MAP4K2: variants seen among roughly 807,000 people sequenced by gnomAD.
MAP4K2 encodes B lymphocyte serine/threonine protein kinase.
MAP4K2 carries 85 observed loss-of-function variants against 125.3 expected under a neutral mutation model. The observed-to-expected ratio is 0.68, with a 90% CI of 0.57 to 0.81. The LOEUF (loss-of-function observed/expected upper bound fraction) is 0.81, where lower values mean the gene tolerates loss of function less well. MAP4K2 is among the 40% of genes least tolerant of loss of function. The pLI is 0.00. For missense variants in MAP4K2, 923 were observed against 1,056.4 expected, an observed-to-expected ratio of 0.87 and a Z score of 1.75; for synonymous variants, 479 against 445.1, an observed-to-expected ratio of 1.08 and a Z score of -0.96.
rs572837811 is a variant in MAP4K2, at chr11:64,792,076, C to T, written c.1925G>A (p.Ser642Asn). The T allele has an allele frequency of 1.3e-6, 2 of 1,586,972 alleles. No individual in the cohort carries two copies. The highest frequency in any genetic ancestry group is 1.8e-5 in the Admixed American group (1 of 56,412). ...QKFLLLKNFS[S>N]PLPSPAGMLE... ...CATCCCAGCTGGGCTGGGCAGAGGG[C>T]TGGAGAAGTTCTAGGGGGCAGCAGG... The change falls in exon 27 of 32, where the codon AGC becomes AAC. Residue 642 changes from serine to asparagine, a missense_variant. By Grantham distance (46) the Ser-to-Asn change is conservative. Transcript: ENST00000294066.
rs1420727223 is a variant in MAP4K2 at position 64,788,790 on chromosome 11, C to G, written c.*747G>C. ...AGGGAACAGCCCTCTGGGGGCTCCT[C>G]CTGGGCCCTTCCAGGGGTCACCCAG... is the stretch of plus-strand genomic sequence containing the variant. On this transcript the variant is annotated 3_prime_UTR_variant, in exon 32 of 32. Coordinates refer to ENST00000294066, the MANE Select transcript of MAP4K2 (RefSeq NM_004579.5). 6.6e-6 allele frequency: 1 copy of G among 152,314 alleles called. No homozygotes were observed. Among genetic ancestry groups the G allele is most frequent in the African/African-American group, 2.4e-5 (1 of 41,440 alleles). The allele number at this position is 152,314 out of a possible 1,614,324, so 9.4% of individuals were successfully genotyped here.
exon 1 of MAP4K2, chr11:64,803,212 CGCGGGGCGGG>C: frequency 2.8e-6 from 2 of 717,246 alleles, no homozygotes; most frequent in Admixed American, 6.5e-5. Context: ...CGCGGGGCGG[CGCGGGGCGGG>C]GCGGGCGCCC....
rs375621714 is a variant in MAP4K2, at chr11:64,801,599, A to T, written c.437T>A (p.Leu146His). 1 of 1,613,970 alleles carries T rather than the reference A, an allele frequency of 6.2e-7. No individual in the cohort carries two copies. The highest frequency in any genetic ancestry group is 8.5e-7 in the Non-Finnish European group (1 of 1,179,952). ...DIKGANLLLT[L>H]QGDVKLADFG... ...CTGACCCAGTTTGACATCTCCCTGGAGAGTGAGGAGAAGGTTGGCTCCCTG... is the reference window on the plus strand; with the variant it reads ...CTGACCCAGTTTGACATCTCCCTGGTGAGTGAGGAGAAGGTTGGCTCCCTG... The change falls in exon 7 of 32, where the codon CTC becomes CAC. Residue 146 changes from leucine (L) to histidine (H), a missense_variant. Coordinates refer to ENST00000294066, the MANE Select transcript of MAP4K2 (RefSeq NM_004579.5).
intron 10 of MAP4K2, 123 bp from the exon 11 acceptor site, chr11:64,800,515 A>G: frequency 8.3e-7 from 1 of 1,199,020 alleles, no homozygotes; most frequent in Non-Finnish European, 1.2e-6. Context: ...GAGCCAGCCG[A>G]GGCCAAGGGC....
intron 22 of MAP4K2, 21 bp downstream of exon 22, chr11:64,796,613 C>A: frequency 6.2e-7 from 1 of 1,614,058 alleles, no homozygotes; most frequent in Non-Finnish European, 8.5e-7. Context: ...CCTCTGCCCC[C>A]CACAGCCAGC....
chr11:64,792,095 C>A lies in MAP4K2; in HGVS notation c.1915-9G>T. On this transcript the variant is annotated splice_polypyrimidine_tract_variant and intron_variant, in intron 26 of 31. Coordinates refer to ENST00000294066, the MANE Select transcript of MAP4K2 (RefSeq NM_004579.5). ...AGAGGGCTGGAGAAGTTCTAGGGGG[C>A]AGCAGGGATGCTCAGGTCTCCATTT... The A allele has an allele frequency of 5.1e-6, 8 of 1,581,298 alleles. No homozygotes were observed. Among genetic ancestry groups the A allele is most frequent in the Non-Finnish European group, 6.9e-6 (8 of 1,163,266 alleles).
At position 64,801,290 on chromosome 11, in the gene MAP4K2, GC is replaced by G. The variant is rs879110537; in HGVS notation, c.458-108del. On this transcript the variant is annotated intron_variant, in intron 7 of 31. Transcript: ENST00000294066. ...CTGGCAGGGCTCAGACGGGCAGGTG[GC>G]CCCGCTTGGTCACAGCTGCCGCAGG... 10 of 1,380,992 alleles carry G rather than the reference GC, an allele frequency of 7.2e-6. No individual in the cohort carries two copies. The South Asian group carries it at 1.2e-4, about 17-fold the overall frequency. The allele number at this position is 1,380,992 out of a possible 1,614,324, so 85.5% of individuals were successfully genotyped here.
chr11:64,803,009 G>A (rs751129210), intron 1 of MAP4K2, 45 bp downstream of exon 1: 2 of 1,578,858 alleles, frequency 1.3e-6, no homozygotes, highest in South Asian at 1.1e-5. Context: ...CGCGGGGTGC[G>A]GGGCTGGCAC....
chr11:64,791,858 G>T (rs894462107), intron 27 of MAP4K2, 51 bp downstream of exon 27: 2 of 1,455,778 alleles, frequency 1.4e-6, no homozygotes, highest in South Asian at 1.4e-5. Flanking sequence ...TCCCTCCCTC[G>T]GTCTCTCATG....
At chr11:64,801,939 C>A in intron 5 of MAP4K2, 127 bp downstream of exon 5, 1 of 1,177,928 alleles carries the variant, frequency 8.5e-7, no homozygotes, top group South Asian at 1.4e-5. Flanking sequence ...CCCCTTTTCC[C>A]CAGGACCTAC....
At chr11:64,797,740 C>G (rs1183912479) in intron 15 of MAP4K2, 76 bp from the exon 16 acceptor site, 12 of 1,340,194 alleles carry the variant, frequency 9.0e-6, no homozygotes, top group Non-Finnish European at 1.1e-5. Flanking sequence ...GAGTCTCGCT[C>G]TGTCACCCAG....
rs140145038 is a variant in MAP4K2, at chr11:64,797,339, C to A, written c.1212G>T (p.Arg404=). ...SPDDTMGTIK[R]APFLGPLPTD... ...TGGGGAGTGGCCCTAGGAACGGGGC[C>A]CGCTTGATGGTTCCCATGGTATCGT... The change falls in exon 18 of 32, where the codon CGG becomes CGT. Residue 404 remains arginine (R), a synonymous_variant. Coordinates refer to ENST00000294066, the MANE Select transcript of MAP4K2 (RefSeq NM_004579.5). 1.0e-4 allele frequency: 161 copies of A among 1,599,370 alleles called. 1 individual carries two copies. Among genetic ancestry groups the A allele is most frequent in the Non-Finnish European group, 1.2e-4 (144 of 1,173,188 alleles).
At chr11:64,800,044 C>T in intron 12 of MAP4K2, 65 bp downstream of exon 12, 1 of 1,349,484 alleles carries the variant, frequency 7.4e-7, no homozygotes. Context: ...CCTCCACCAA[C>T]ATCACCCTCG....
rs375745391 is a variant in MAP4K2, at chr11:64,797,650, G to T, written c.1112C>A (p.Ser371Ter). The change falls in exon 16 of 32, where the codon TCG becomes TAG. Residue 371 changes from serine to a stop codon, truncating the protein, a stop_gained. Coordinates refer to ENST00000294066, the MANE Select transcript of MAP4K2 (RefSeq NM_004579.5). LOFTEE classifies it high-confidence loss of function. ...KEELSGSLLQ[S>*]VQEALEERSL... ...CCTTTCCTCCAGGGCCTCCTGGACC[G>T]ACTGCAGCAGGCTCCTGGGCAGTGG... 1.3e-6 allele frequency: 2 copies of T among 1,574,142 alleles called. No homozygotes were observed. Among genetic ancestry groups the T allele is most frequent in the Non-Finnish European group, 1.7e-6 (2 of 1,159,258 alleles).
intron 24 of MAP4K2, among the ~76,000 whole-genome samples, chr11:64,794,437 G>C (rs1394526483): frequency 6.6e-6 from 1 of 151,176 alleles, no homozygotes; most frequent in Non-Finnish European, 1.5e-5. Flanking sequence ...TCGGCTCATT[G>C]CAACCTCCGC....
rs929728164 is a variant in MAP4K2 at position 64,789,471 on chromosome 11, T to G, written c.*66A>C. 2.8e-6 allele frequency: 4 copies of G among 1,445,408 alleles called. No individual in the cohort carries two copies. Among genetic ancestry groups the G allele is most frequent in the Non-Finnish European group, 3.8e-6 (4 of 1,052,252 alleles). The allele number at this position is 1,445,408 out of a possible 1,614,324, so 89.5% of individuals were successfully genotyped here. A position where few individuals can be genotyped will look rare whatever the true frequency, so the allele number is the denominator to read the frequency against. The stretch of plus-strand genomic sequence containing the variant: ...TCCTCTGGTCTAGGATGGGCCCCTT[T>G]GCCCAAAAGGGCCTGCAGCTAAGGC... On this transcript the variant is annotated 3_prime_UTR_variant, in exon 32 of 32. Coordinates refer to ENST00000294066, the MANE Select transcript of MAP4K2 (RefSeq NM_004579.5).
In MAP4K2 at chr11:64,792,159, C is replaced by G. The variant is rs377050355; in HGVS notation, c.1914+13G>C. The stretch of plus-strand genomic sequence containing the variant: ...TCTGAGGGTGCCCTGGGCCTCCCCC[C>G]ACCGCCCCTCACCTTCAGCAGCAGA... On this transcript the variant is annotated intron_variant, in intron 26 of 31. Transcript: ENST00000294066. 7.4e-5 allele frequency: 119 copies of G among 1,599,768 alleles called. No homozygotes were observed. Among genetic ancestry groups the G allele is most frequent in the Middle Eastern group, 5.0e-4 (3 of 6,026 alleles).
rs767263762 is a variant in MAP4K2 at position 64,791,993 on chromosome 11, C to T, written c.2008G>A (p.Gly670Arg). The change falls in exon 27 of 32, where the codon GGG becomes AGG. Residue 670 changes from glycine (G) to arginine (R), a missense_variant. Physicochemically the swap from Gly to Arg is moderately radical, Grantham distance 125 (BLOSUM62 -2). Transcript: ENST00000294066. ...ELPQVCVGAE[G>R]PEGPGCRVLF... The stretch of plus-strand genomic sequence containing the variant: ...ACGCGGCAGCCGGGCCCCTCAGGCC[C>T]CTCGGCCCCAACACACACCTGCGGC... 6.2e-7 allele frequency: 1 copy of T among 1,602,228 alleles called. No homozygotes were observed. The highest frequency in any genetic ancestry group is 8.5e-7 in the Non-Finnish European group (1 of 1,174,988).
In MAP4K2 at chr11:64,797,212, G is replaced by C. The variant is rs1037100100; in HGVS notation, c.1277-20C>G. On this transcript the variant is annotated intron_variant, in intron 18 of 31. Coordinates refer to ENST00000294066, the MANE Select transcript of MAP4K2 (RefSeq NM_004579.5). ...GGGTTCCTGCAGGCACAGGCGTGCT[G>C]TAATTTCCTGCTGTAGCCCCCACCC... 6.2e-7 allele frequency: 1 copy of C among 1,611,116 alleles called. No homozygotes were observed. Among genetic ancestry groups the C allele is most frequent in the East Asian group, 2.2e-5 (1 of 44,844 alleles).
Sources: gnomAD v4.1 joint callset for allele counts (sites outside exome capture counted in the v4.1 genomes callset) on GRCh38, gnomAD v4.1.1 for gene constraint, MANE v1.5 for transcripts, NCBI Gene and HGNC (gene_info 2026-07-23, HGNC 2026-07-21) for gene names.